CEP76: variants seen among roughly 807,000 people sequenced by gnomAD.
The protein encoded by CEP76 is centrosomal protein 76, also known as centrosomal protein of 76 kDa.
Under a neutral mutation model 83.3 loss-of-function variants are expected in CEP76, and 55 were observed. The observed-to-expected ratio is 0.66, with a 90% CI of 0.53 to 0.83. The LOEUF is 0.83. Ranked by LOEUF, CEP76 falls within the 40% of genes least tolerant of loss-of-function variation. The probability of loss-of-function intolerance (pLI) is 0.00; values close to 1 mark genes in which losing one functional copy is unlikely to be tolerated. For missense variants in CEP76, 694 were observed against 799.5 expected (o/e 0.87, Z 1.59); for synonymous variants, 270 against 274.5 (o/e 0.98, Z 0.16).
intron 2 of CEP76, chr18:12,700,210 G>GT (rs1382192893): frequency 5.2e-6 from 1 of 190,672 alleles, no homozygotes; most frequent in Non-Finnish European, 1.1e-5. Flanking sequence ...TAAACCTTAT[G>GT]TAACAGTTGG....
chr18:12,693,542 T>C (rs1421493738), intron 6 of CEP76, among the ~76,000 whole-genome samples: 2 of 152,194 alleles, frequency 1.3e-5, no homozygotes, highest in African/African-American at 4.8e-5. Flanking sequence ...TATACCACTT[T>C]GGGAGGCCGA....
intron 7 of CEP76, among the ~76,000 whole-genome samples, chr18:12,687,516 T>A (rs1352471450): frequency 1.3e-5 from 2 of 150,868 alleles, no homozygotes; most frequent in Non-Finnish European, 3.0e-5. Flanking sequence ...TGCAGTAGTG[T>A]GATTTCGGCT....
At chr18:12,669,897 T>C (rs2038897434), downstream of CEP76, among the ~76,000 whole-genome samples, 2 of 148,870 alleles carry the variant, frequency 1.3e-5, no homozygotes, top group South Asian at 4.2e-4. Flanking sequence ...CTTGGGAGGC[T>C]GAGTCAGGAG....
At chr18:12,676,279 C>CTTTTTTTTTTTTTT (rs1157897766) in intron 10 of CEP76, among the ~76,000 whole-genome samples, 1 of 106,406 alleles carries the variant, frequency 9.4e-6, no homozygotes, top group Non-Finnish European at 1.9e-5. Context: ...ACAGTAATTC[C>CTTTTTTTTTTTTTT]TTTTTTTTTT....
intron 8 of CEP76, among the ~76,000 whole-genome samples, chr18:12,683,874 ATACAT>A (rs1444099437): frequency 2.6e-5 from 4 of 152,050 alleles, no homozygotes; most frequent in Non-Finnish European, 4.4e-5. Flanking sequence ...GAAATAAATG[ATACAT>A]ATACAGCAGA....
chr18:12,672,177 C>G (rs1014001429), downstream of CEP76, among the ~76,000 whole-genome samples: 1 of 140,746 alleles, frequency 7.1e-6, no homozygotes, highest in Non-Finnish European at 1.5e-5. Context: ...TGCAGTGGCG[C>G]GATCTCACCT....
At chr18:12,663,161 A>G (rs901528845) in intron 12 of CEP76, among the ~76,000 whole-genome samples, 10 of 152,220 alleles carry the variant, frequency 6.6e-5, no homozygotes, top group Admixed American at 3.9e-4. Context: ...CTATAACACA[A>G]ACTTTCCAAA....
At chr18:12,698,396 T>C (rs1389878372) in intron 4 of CEP76, among the ~76,000 whole-genome samples, 3 of 152,146 alleles carry the variant, frequency 2.0e-5, no homozygotes, top group Non-Finnish European at 4.4e-5. Flanking sequence ...CTCAAACTCC[T>C]GACCTCAGGT....
chr18:12,695,027 CTG>C (rs1331844665), intron 6 of CEP76, among the ~76,000 whole-genome samples: 2 of 152,108 alleles, frequency 1.3e-5, no homozygotes, highest in Non-Finnish European at 1.5e-5. Flanking sequence ...AATTCTTATG[CTG>C]TCTCAATAAA....
At chr18:12,691,280 T>C in intron 7 of CEP76, 79 bp downstream of exon 7, 2 of 902,028 alleles carry the variant, frequency 2.2e-6, no homozygotes, top group South Asian at 4.9e-5. Flanking sequence ...ATTTTACAAA[T>C]AAATATTAAA....
At chr18:12,695,397 ATATT>A (rs1443694126) in intron 5 of CEP76, 46 bp from the exon 6 acceptor site, 7 of 916,564 alleles carry the variant, frequency 7.6e-6, no homozygotes, top group Non-Finnish European at 1.1e-5. Flanking sequence ...AATACTATAT[ATATT>A]TAGTCAACCA....
rs1298646553 is a variant in CEP76 at position 12,674,713 on chromosome 18, T to C, written c.1664A>G (p.Tyr555Cys). The C allele has an allele frequency of 5.6e-6, 9 of 1,614,040 alleles. No homozygotes were observed. Among genetic ancestry groups the C allele is most frequent in the Non-Finnish European group, 7.6e-6 (9 of 1,180,014 alleles). The change falls in exon 11 of 12, where the codon TAC becomes TGC. Residue 555 changes from tyrosine to cysteine, a missense_variant. Coordinates refer to ENST00000262127, the MANE Select transcript of CEP76 (RefSeq NM_024899.4). The part of the protein sequence containing the change: ...LTTVWEDQLS[Y>C]LLSPALASYE... ...AGAAGCCAAAGCTGGTGATAAAAGGTAGGAGAGCTGGTCTTCCCAAACAGT... is the reference window on the plus strand; with the variant it reads ...AGAAGCCAAAGCTGGTGATAAAAGGCAGGAGAGCTGGTCTTCCCAAACAGT...
rs1429314920 is a variant in CEP76, at chr18:12,673,463, G to C, written c.1882C>G (p.Gln628Glu). The C allele has an allele frequency of 6.3e-7, 1 of 1,588,694 alleles. No individual in the cohort carries two copies. Residue 628 changes from glutamine (Q) to glutamate (E), a missense_variant, in exon 12 of 12, where the codon CAA (glutamine) becomes GAA (glutamate). Transcript: ENST00000262127. ...CEEIICCRGD[Q>E]VRLAVRVRVF... ...CGGACACGAACTGCCAGTCGCACTTGGTCTCCACGGCAACAGATTATTTCT... is the reference window on the plus strand; with the variant it reads ...CGGACACGAACTGCCAGTCGCACTTCGTCTCCACGGCAACAGATTATTTCT...
chr18:12,676,279 C>CTTTTTTTT (rs1157897766), intron 10 of CEP76, among the ~76,000 whole-genome samples: 4 of 106,406 alleles, frequency 3.8e-5, no homozygotes, highest in African/African-American at 7.0e-5. Flanking sequence ...ACAGTAATTC[C>CTTTTTTTT]TTTTTTTTTT....
At chr18:12,665,491 CTG>C (rs1375802103) in intron 12 of CEP76, among the ~76,000 whole-genome samples, 9 of 152,294 alleles carry the variant, frequency 5.9e-5, no homozygotes, top group African/African-American at 2.2e-4. Flanking sequence ...TGATGGAACA[CTG>C]TGTCTTTCCC....
intron 7 of CEP76, among the ~76,000 whole-genome samples, chr18:12,687,541 C>CA (rs2039584651): frequency 2.0e-5 from 3 of 151,206 alleles, no homozygotes; most frequent in Admixed American, 1.3e-4. Flanking sequence ...GCAACCTCCG[C>CA]CCATGGGTTC....
At chr18:12,687,906 G>C (rs9954201) in intron 7 of CEP76, among the ~76,000 whole-genome samples, 2,718 of 152,058 alleles carry the variant, frequency 0.018, 93 homozygotes, top group African/African-American at 0.062. Flanking sequence ...AATATTAAAA[G>C]AATATCCTCA....
intron 8 of CEP76, chr18:12,685,309 C>T (rs1009237317): frequency 6.6e-6 from 1 of 151,982 alleles, no homozygotes; most frequent in Non-Finnish European, 1.5e-5. Flanking sequence ...CTTATTTTCT[C>T]TTTTTTAAAG....
intron 7 of CEP76, among the ~76,000 whole-genome samples, chr18:12,688,909 T>G (rs1473971071): frequency 6.6e-6 from 1 of 151,942 alleles, no homozygotes; most frequent in African/African-American, 2.4e-5. Context: ...GGTCAGGAGA[T>G]CGAGACCATC....
Sources: gnomAD v4.1 joint callset for allele counts (sites outside exome capture counted in the v4.1 genomes callset) on GRCh38, gnomAD v4.1.1 for gene constraint, MANE v1.5 for transcripts, NCBI Gene and HGNC (gene_info 2026-07-23, HGNC 2026-07-21) for gene names.